Variants in LIMS1 observed in about 807,000 individuals in gnomAD.
LIMS1 encodes the protein LIM zinc finger domain containing 1, also known as LIM and senescent cell antigen-like-containing domain protein 1.
Under a neutral mutation model 44.1 loss-of-function variants are expected in LIMS1, and 18 were observed. That is an observed-to-expected ratio of 0.41 (90% CI 0.28 to 0.61). The LOEUF (loss-of-function observed/expected upper bound fraction) is 0.61. LIMS1 is among the 20% of genes least tolerant of loss of function. LIMS1 has a pLI of 0.32. For synonymous variants in LIMS1, 93 were observed against 149.1 expected (o/e 0.62, Z 2.74); for missense variants, 201 against 422.0 (o/e 0.48, Z 4.59).
At chr2:108,630,933 G>A (rs6738629) in intron 1 of LIMS1, among the ~76,000 whole-genome samples, 69,055 of 152,136 alleles carry the variant, frequency 0.45, 16,943 homozygotes, top group East Asian at 0.96. Flanking sequence ...AGTGAAAATG[G>A]TAATGTAGGG....
intron 1 of LIMS1, chr2:108,654,930 G>GT (rs1394514466): frequency 6.6e-7 from 1 of 1,518,252 alleles, no homozygotes; most frequent in Non-Finnish European, 8.8e-7. Context: ...TGAAGCAGCA[G>GT]TAGTGACCCT....
intron 1 of LIMS1, among the ~76,000 whole-genome samples, chr2:108,571,344 C>T (rs1685472942): frequency 6.6e-6 from 1 of 152,166 alleles, no homozygotes; most frequent in Non-Finnish European, 1.5e-5. Context: ...GTCTTCCACA[C>T]ATTGCATCTG....
At position 108,555,306 on chromosome 2, in the gene LIMS1, T is replaced by G. The variant is rs1236100507; in HGVS notation, c.32+20712T>G. Among the ~76,000 whole-genome samples, 7 of 152,100 alleles carry G rather than the reference T, an allele frequency of 4.6e-5. No individual in the cohort carries two copies. The South Asian group carries it at 1.5e-3, about 32-fold the overall frequency. ...TCCACTGGCAGCCATTCTGTGACCT[T>G]GAGGGGATCAGTCTTGAGGTGAGTC... On this transcript the variant is annotated intron_variant, in intron 1 of 9. Transcript: ENST00000544547.
At chr2:108,560,339 C>T (rs563066310) in intron 1 of LIMS1, among the ~76,000 whole-genome samples, 3 of 152,244 alleles carry the variant, frequency 2.0e-5, no homozygotes, top group South Asian at 2.1e-4. Context: ...AAGGAAAAGC[C>T]GTAGTCTTTA....
At chr2:108,571,224 T>A (rs901628054) in intron 1 of LIMS1, among the ~76,000 whole-genome samples, 1 of 152,202 alleles carries the variant, frequency 6.6e-6, no homozygotes, top group African/African-American at 2.4e-5. Flanking sequence ...TCATAAGATA[T>A]AAGGTTGTCT....
In LIMS1 at chr2:108,674,494, G is replaced by A. The variant is rs540398070; in HGVS notation, c.531-1384G>A. ...TCCCAGCACTTTGGGAGGCCGAGGC[G>A]GGTGGATCACGAGGTCAGGAGATCG... On this transcript the variant is annotated intron_variant, in intron 5 of 9. Transcript: ENST00000544547. 6.6e-5 allele frequency among the ~76,000 whole-genome samples: 10 copies of A among 151,666 alleles called. No individual in the cohort carries two copies. The East Asian group carries it at 1.2e-3, about 18-fold the overall frequency.
At chr2:108,550,195 T>C (rs1446810056) in intron 1 of LIMS1, among the ~76,000 whole-genome samples, 1 of 152,136 alleles carries the variant, frequency 6.6e-6, no homozygotes, top group African/African-American at 2.4e-5. Flanking sequence ...ACAAAGTGTT[T>C]TTTTAAAAAT....
At chr2:108,534,668 C>G (rs1442315359) in intron 1 of LIMS1, 74 bp downstream of exon 1, 2 of 886,708 alleles carry the variant, frequency 2.3e-6, no homozygotes, top group Admixed American at 6.2e-5. Context: ...CGGGCCGGGC[C>G]GGGCCTGGCG....
intron 1 of LIMS1, among the ~76,000 whole-genome samples, chr2:108,597,328 C>G (rs1458615816): frequency 6.6e-6 from 1 of 152,056 alleles, no homozygotes; most frequent in East Asian, 1.9e-4. Flanking sequence ...GTATAACTTC[C>G]AGGAATTCAT....
intron 1 of LIMS1, among the ~76,000 whole-genome samples, chr2:108,586,557 A>G (rs887249658): frequency 6.6e-6 from 1 of 152,240 alleles, no homozygotes; most frequent in South Asian, 2.1e-4. Context: ...ACCTTCAAGC[A>G]TGGTACGTCC....
intron 1 of LIMS1, among the ~76,000 whole-genome samples, chr2:108,611,958 T>TATACACATATATAAAATATACA (rs1439833875): frequency 1.4e-5 from 2 of 141,898 alleles, no homozygotes; most frequent in African/African-American, 5.4e-5. Flanking sequence ...TATACATATA[T>TATACACATATATAAAATATACA]TATATATACA....
At chr2:108,545,880 T>A (rs926405888) in intron 1 of LIMS1, among the ~76,000 whole-genome samples, 1 of 152,226 alleles carries the variant, frequency 6.6e-6, no homozygotes, top group Non-Finnish European at 1.5e-5. Flanking sequence ...TCTGGATTAT[T>A]ATTAATGCAT....
intron 1 of LIMS1, among the ~76,000 whole-genome samples, chr2:108,618,087 G>T (rs541192357): frequency 1.3e-5 from 2 of 152,164 alleles, no homozygotes; most frequent in Non-Finnish European, 2.9e-5. Context: ...AAACTCCCAG[G>T]TCATAGATAT....
At chr2:108,582,696 A>G (rs894291819) in intron 1 of LIMS1, among the ~76,000 whole-genome samples, 1 of 152,192 alleles carries the variant, frequency 6.6e-6, no homozygotes, top group African/African-American at 2.4e-5. Flanking sequence ...TGAATCCAGG[A>G]GGCAGAGGTT....
chr2:108,636,565 G>C (rs1307559123), intron 1 of LIMS1, among the ~76,000 whole-genome samples: 1 of 152,196 alleles, frequency 6.6e-6, no homozygotes, highest in Non-Finnish European at 1.5e-5. Flanking sequence ...AGAGGACAAA[G>C]ATTCACAGAG....
At chr2:108,627,744 T>C (rs546268966) in intron 1 of LIMS1, among the ~76,000 whole-genome samples, 1 of 152,320 alleles carries the variant, frequency 6.6e-6, no homozygotes, top group East Asian at 1.9e-4. Context: ...AGCAACTGAT[T>C]ATATGTCTGT....
intron 1 of LIMS1, among the ~76,000 whole-genome samples, chr2:108,551,488 C>CGT (rs1684696799): frequency 1.0e-5 from 1 of 99,116 alleles, no homozygotes; most frequent in Non-Finnish European, 2.0e-5. Flanking sequence ...TATGCGCGCG[C>CGT]GCGCACACAC....
At chr2:108,592,866 T>C (rs1686477958) in intron 1 of LIMS1, among the ~76,000 whole-genome samples, 1 of 152,222 alleles carries the variant, frequency 6.6e-6, no homozygotes, top group South Asian at 2.1e-4. Context: ...TGGTGGGATC[T>C]AGGTGAACAA....
chr2:108,639,074 C>T (rs542900223), intron 1 of LIMS1, among the ~76,000 whole-genome samples: 1 of 152,230 alleles, frequency 6.6e-6, no homozygotes, highest in East Asian at 1.9e-4. Context: ...TAAGGGCCTC[C>T]TGGTGTTCTT....
Sources: allele counts gnomAD v4.1 joint callset (sites outside exome capture counted in the v4.1 genomes callset), GRCh38; gene constraint gnomAD v4.1.1; transcripts MANE v1.5; gene names NCBI Gene and HGNC (gene_info 2026-07-23, HGNC 2026-07-21).